Variants in SPIRE1 observed in about 807,000 individuals in gnomAD.
SPIRE1 encodes spire type actin nucleation factor 1, also known as protein spire homolog 1.
SPIRE1 carries 40 observed loss-of-function variants against 94.1 expected under a neutral mutation model. The observed-to-expected ratio is 0.43, with a 90% CI of 0.33 to 0.55. The LOEUF (loss-of-function observed/expected upper bound fraction) is 0.55, where lower values mean the gene tolerates loss of function less well. Among genes scored for constraint, SPIRE1 ranks in the 20% least tolerant of loss-of-function variants. The probability of loss-of-function intolerance (pLI) is 0.06; values close to 1 mark genes in which losing one functional copy is unlikely to be tolerated. For synonymous variants in SPIRE1, 376 were observed against 371.7 expected (o/e 1.01, Z -0.13); for missense variants, 838 against 975.2 (o/e 0.86, Z 1.87).
chr18:12,451,565 C>G (rs1439544783), intron 16 of SPIRE1, among the ~76,000 whole-genome samples: 1 of 152,160 alleles, frequency 6.6e-6, no homozygotes, highest in African/African-American at 2.4e-5. Flanking sequence ...GGAGGCAGCC[C>G]AAGCACAGAG....
At chr18:12,581,926 A>G (rs1428754759) in intron 2 of SPIRE1, among the ~76,000 whole-genome samples, 1 of 152,190 alleles carries the variant, frequency 6.6e-6, no homozygotes, top group African/African-American at 2.4e-5. Context: ...ACAGACAACA[A>G]GAAACTTGAT....
chr18:12,546,130 C>T (rs1035171883), intron 3 of SPIRE1, among the ~76,000 whole-genome samples: 1 of 152,006 alleles, frequency 6.6e-6, no homozygotes, highest in African/African-American at 2.4e-5. Flanking sequence ...GCTGGGACTA[C>T]AGGTGCCCGC....
intron 12 of SPIRE1, among the ~76,000 whole-genome samples, chr18:12,462,447 G>A (rs560550369): frequency 6.6e-5 from 10 of 152,276 alleles, no homozygotes; most frequent in South Asian, 2.1e-4. Context: ...GCCAAGTGGC[G>A]CTACAAAAGA....
chr18:12,537,733 T>C (rs1334011421), intron 3 of SPIRE1, among the ~76,000 whole-genome samples: 2 of 152,148 alleles, frequency 1.3e-5, no homozygotes, highest in African/African-American at 2.4e-5. Flanking sequence ...AATTGGATAA[T>C]GAGGTCAAGA....
intron 2 of SPIRE1, among the ~76,000 whole-genome samples, chr18:12,605,872 C>G (rs562535736): frequency 1.2e-4 from 18 of 152,296 alleles, no homozygotes; most frequent in South Asian, 2.1e-4. Flanking sequence ...CCTACACGAC[C>G]TAGCTCCCTG....
intron 12 of SPIRE1, chr18:12,460,043 C>CA (rs1224476454): frequency 3.1e-6 from 1 of 326,628 alleles, no homozygotes; most frequent in Non-Finnish European, 4.4e-6. Context: ...GAAAACAAAA[C>CA]AAAAAACACC....
intron 1 of SPIRE1, among the ~76,000 whole-genome samples, chr18:12,650,900 T>C (rs1225291799): frequency 6.8e-6 from 1 of 147,290 alleles, no homozygotes; most frequent in East Asian, 2.0e-4. Context: ...AAAAAAGTGA[T>C]AGCAATCTTA....
chr18:12,464,901 C>G lies in SPIRE1; in HGVS notation c.1462G>C (p.Glu488Gln). 1 of 1,614,084 alleles carries G rather than the reference C, an allele frequency of 6.2e-7. No homozygotes were observed. The highest frequency in any genetic ancestry group is 8.5e-7 in the Non-Finnish European group (1 of 1,180,004). Residue 488 changes from glutamate (E) to glutamine (Q), a missense_variant, in exon 11 of 17, where the codon GAG (glutamate) becomes CAG (glutamine). Physicochemically the swap from Glu to Gln is conservative, Grantham distance 29. Coordinates refer to ENST00000409402, the MANE Select transcript of SPIRE1 (RefSeq NM_001128626.2). ...SSSVSPSFPEEPVLEAVSTRK... is the reference protein window; with the variant it reads ...SSSVSPSFPEQPVLEAVSTRK... ...GTGGACACGGCCTCCAGGACTGGCTCTTCAGGGAAAGAGGGAGACACGCTG... is the reference window on the plus strand; with the variant it reads ...GTGGACACGGCCTCCAGGACTGGCTGTTCAGGGAAAGAGGGAGACACGCTG...
At chr18:12,620,611 T>C (rs186550012) in intron 2 of SPIRE1, among the ~76,000 whole-genome samples, 2 of 152,276 alleles carry the variant, frequency 1.3e-5, no homozygotes, top group Admixed American at 1.3e-4. Context: ...CACATAAAAG[T>C]ATGAAGTTAG....
intron 4 of SPIRE1, among the ~76,000 whole-genome samples, chr18:12,520,460 C>A (rs1042730972): frequency 3.3e-5 from 5 of 152,102 alleles, no homozygotes; most frequent in Non-Finnish European, 1.5e-5. Flanking sequence ...AACATTTTAA[C>A]AGGGAGAGCA....
intron 4 of SPIRE1, among the ~76,000 whole-genome samples, chr18:12,528,623 T>C (rs1239605499): frequency 6.6e-6 from 1 of 152,166 alleles, no homozygotes; most frequent in Non-Finnish European, 1.5e-5. Context: ...TGTGAACAGC[T>C]GCCCTGTCAT....
At chr18:12,636,792 C>T (rs796228115) in intron 1 of SPIRE1, among the ~76,000 whole-genome samples, 11 of 152,252 alleles carry the variant, frequency 7.2e-5, no homozygotes, top group African/African-American at 2.6e-4. Context: ...ACTCTACATT[C>T]AACAGTGATT....
At chr18:12,620,130 T>A (rs565547679) in intron 2 of SPIRE1, among the ~76,000 whole-genome samples, 3 of 152,146 alleles carry the variant, frequency 2.0e-5, no homozygotes, top group Admixed American at 6.5e-5. Context: ...CTAGGCAACA[T>A]AACAAACCTG....
At position 12,555,189 on chromosome 18, in the gene SPIRE1, T is replaced by G. The variant is rs930379696; in HGVS notation, c.373-8285A>C. ...CAGCTGCAGGCACCCAATTAAAGCC[T>G]TCTCCCCTGGCAATAACTGTTGTCT... On this transcript the variant is annotated intron_variant, in intron 2 of 16. Coordinates refer to ENST00000409402, the MANE Select transcript of SPIRE1 (RefSeq NM_001128626.2). 3.9e-5 allele frequency among the ~76,000 whole-genome samples: 6 copies of G among 152,206 alleles called. No homozygotes were observed. The East Asian group carries it at 1.2e-3, about 29-fold the overall frequency.
At chr18:12,475,527 G>GT (rs1048066514) in intron 10 of SPIRE1, among the ~76,000 whole-genome samples, 1 of 152,060 alleles carries the variant, frequency 6.6e-6, no homozygotes, top group South Asian at 2.1e-4. Context: ...AAAAAAAGAA[G>GT]TTGGTGAAAA....
At chr18:12,514,859 T>C (rs947922890) in intron 4 of SPIRE1, among the ~76,000 whole-genome samples, 6 of 152,118 alleles carry the variant, frequency 3.9e-5, no homozygotes, top group Non-Finnish European at 8.8e-5. Flanking sequence ...GAAAAAGAAA[T>C]GCATTTCTAA....
Position 12,498,176 on chromosome 18 carries a change from G to A in SPIRE1, c.973-2074C>T, listed in dbSNP as rs145936695. On this transcript the variant is annotated intron_variant, in intron 6 of 16. Coordinates refer to ENST00000409402, the MANE Select transcript of SPIRE1 (RefSeq NM_001128626.2). ...ACTGGCCCTCAAAAAGTTTGCTGGAGCACTTCAGATGTCCAGGTTTGTGAC... is the reference window on the plus strand; with the variant it reads ...ACTGGCCCTCAAAAAGTTTGCTGGAACACTTCAGATGTCCAGGTTTGTGAC... Among the ~76,000 whole-genome samples the A allele has an allele frequency of 6.9e-3, 1,050 of 152,300 alleles. 37 individuals carry two copies. The highest frequency in any genetic ancestry group is 0.059 in the Admixed American group (904 of 15,302).
At chr18:12,637,865 T>TAAAATA (rs1397379571) in intron 1 of SPIRE1, among the ~76,000 whole-genome samples, 1 of 152,196 alleles carries the variant, frequency 6.6e-6, no homozygotes, top group African/African-American at 2.4e-5. Flanking sequence ...TAAGAGTCTA[T>TAAAATA]AAAATAAGAT....
Position 12,493,159 on chromosome 18 carries a change from T to C in SPIRE1, c.1102A>G (p.Ser368Gly), listed in dbSNP as rs1398224053. 6.2e-7 allele frequency: 1 copy of C among 1,613,728 alleles called. No homozygotes were observed. Among genetic ancestry groups the C allele is most frequent in the South Asian group, 1.1e-5 (1 of 91,034 alleles). ...KLKPTPPRPR[S>G]LHERILEEIK... The stretch of plus-strand genomic sequence containing the variant: ...TCTTCTAATATTCTTTCATGGAGGC[T>C]CCGTGGCCGTGGTGGAGTTGGTTTC... Residue 368 changes from serine (S) to glycine (G), a missense_variant, in exon 8 of 17, where the codon AGC becomes GGC. Ser to Gly is a moderately conservative substitution (Grantham distance 56). Transcript: ENST00000409402.
Sources: allele counts gnomAD v4.1 joint callset (sites outside exome capture counted in the v4.1 genomes callset), GRCh38; gene constraint gnomAD v4.1.1; transcripts MANE v1.5; gene names NCBI Gene and HGNC (gene_info 2026-07-23, HGNC 2026-07-21).